BCAS1: variants seen among roughly 807,000 people sequenced by gnomAD.
The protein encoded by BCAS1 is breast carcinoma-amplified sequence 1.
A neutral mutation model predicts 65.4 loss-of-function variants in BCAS1; 46 were observed. The ratio of observed to expected loss-of-function variants is 0.70; its 90% CI spans 0.55 to 0.90. The LOEUF (loss-of-function observed/expected upper bound fraction) is 0.90. Ranked by LOEUF, BCAS1 falls within the 40% of genes least tolerant of loss-of-function variation. The pLI is 0.00. For synonymous variants in BCAS1, 298 were observed against 293.5 expected, an observed-to-expected ratio of 1.02 and a Z score of -0.16; for missense variants, 793 against 771.2, an observed-to-expected ratio of 1.03 and a Z score of -0.33.
intron 12 of BCAS1, among the ~76,000 whole-genome samples, chr20:53,950,679 G>A (rs2145483687): frequency 6.6e-6 from 1 of 152,302 alleles, no homozygotes; most frequent in East Asian, 1.9e-4. Flanking sequence ...AACCCCTGAT[G>A]TCAGGGACCC....
intron 10 of BCAS1, among the ~76,000 whole-genome samples, chr20:53,957,755 A>G (rs1463200387): frequency 6.6e-6 from 1 of 152,262 alleles, no homozygotes; most frequent in Non-Finnish European, 1.5e-5. Context: ...CAATTCTGAG[A>G]TAAATGATGA....
At chr20:53,954,553 G>A (rs1390936452) in intron 11 of BCAS1, among the ~76,000 whole-genome samples, 1 of 152,160 alleles carries the variant, frequency 6.6e-6, no homozygotes, top group East Asian at 1.9e-4. Flanking sequence ...AGAGATGATT[G>A]TTTTATTAGT....
intron 9 of BCAS1, among the ~76,000 whole-genome samples, chr20:53,970,292 T>C (rs1007306364): frequency 6.6e-6 from 1 of 152,146 alleles, no homozygotes. Flanking sequence ...GGTAAAAAAA[T>C]ATAGTACTTC....
chr20:53,984,712 T>C (rs6022893), intron 8 of BCAS1, among the ~76,000 whole-genome samples: 19,376 of 152,228 alleles, frequency 0.13, 2,624 homozygotes, highest in African/African-American at 0.34. Context: ...AGCCCCACTC[T>C]CCCTGTCCTT....
intron 4 of BCAS1, among the ~76,000 whole-genome samples, chr20:54,010,965 G>A (rs1220635217): frequency 6.6e-6 from 1 of 152,024 alleles, no homozygotes; most frequent in Non-Finnish European, 1.5e-5. Flanking sequence ...AGGTGTAAAA[G>A]CAATTCTACA....
intron 3 of BCAS1, among the ~76,000 whole-genome samples, chr20:54,040,555 T>C (rs1341548329): frequency 6.6e-6 from 1 of 151,268 alleles, no homozygotes; most frequent in East Asian, 1.9e-4. Context: ...GTGTTTTCTT[T>C]GGAGCAGATA....
intron 12 of BCAS1, among the ~76,000 whole-genome samples, chr20:53,947,650 C>A (rs1449821622): frequency 2.6e-5 from 4 of 152,180 alleles, no homozygotes; most frequent in Non-Finnish European, 4.4e-5. Context: ...GAGCCCAAGC[C>A]ACTTCAGTCA....
chr20:54,031,864 G>C (rs572089906), intron 3 of BCAS1, among the ~76,000 whole-genome samples: 1 of 151,050 alleles, frequency 6.6e-6, no homozygotes, highest in East Asian at 1.9e-4. Flanking sequence ...GATTGATTGG[G>C]GTGTCTGAAA....
intron 6 of BCAS1, 73 bp from the exon 7 acceptor site, chr20:53,992,719 A>G: frequency 3.0e-6 from 4 of 1,321,042 alleles, no homozygotes; most frequent in Non-Finnish European, 4.0e-6. Context: ...CTGTTGTTTT[A>G]AAGTGCATTA....
At chr20:54,004,656 TG>T (rs1309547691) in intron 4 of BCAS1, among the ~76,000 whole-genome samples, 1 of 152,172 alleles carries the variant, frequency 6.6e-6, no homozygotes, top group Non-Finnish European at 1.5e-5. Context: ...AGTAACTATG[TG>T]GGGGTAGTTA....
At chr20:54,052,017 G>A (rs759145687) in intron 3 of BCAS1, among the ~76,000 whole-genome samples, 3 of 152,098 alleles carry the variant, frequency 2.0e-5, no homozygotes, top group Non-Finnish European at 4.4e-5. Flanking sequence ...GGGATTACAC[G>A]CGTGAGCCAC....
intron 2 of BCAS1, 82 bp from the exon 3 acceptor site, chr20:54,058,236 G>A (rs2092327029): frequency 7.3e-6 from 9 of 1,234,756 alleles, no homozygotes; most frequent in Non-Finnish European, 1.2e-6. Context: ...TAAGATACAA[G>A]GGTGTCTCAC....
At chr20:54,035,400 C>CAAAAAAAAAAA (rs1288429763) in intron 3 of BCAS1, among the ~76,000 whole-genome samples, 2 of 62,048 alleles carry the variant, frequency 3.2e-5, no homozygotes, top group Non-Finnish European at 3.3e-5. Flanking sequence ...GACTCCGTCT[C>CAAAAAAAAAAA]AAAAAAAAAA....
At chr20:53,959,577 T>A (rs2089812602) in intron 10 of BCAS1, among the ~76,000 whole-genome samples, 1 of 152,156 alleles carries the variant, frequency 6.6e-6, no homozygotes, top group South Asian at 2.1e-4. Context: ...AAAAATTTTT[T>A]TGCAGAGACA....
intron 1 of BCAS1, among the ~76,000 whole-genome samples, chr20:54,064,170 A>T (rs1483269754): frequency 6.6e-6 from 1 of 152,184 alleles, no homozygotes. Flanking sequence ...GAGTTCTGAG[A>T]TCCCCATGCC....
Position 54,040,000 on chromosome 20 carries a change from T to C in BCAS1, c.143-11028A>G, listed in dbSNP as rs576939361. Among the ~76,000 whole-genome samples, 15 of 151,542 alleles carry C rather than the reference T, an allele frequency of 9.9e-5. No homozygotes were observed. The South Asian group carries it at 3.1e-3, about 32-fold the overall frequency. On this transcript the variant is annotated intron_variant, in intron 3 of 12. Coordinates refer to ENST00000688948, the MANE Select transcript of BCAS1 (RefSeq NM_001366298.2). ...TTCACAGTCAATAGCTCCAAAGCTA[T>C]CTTATCTTCTAAAATAGCTGCATAA...
intron 7 of BCAS1, 68 bp from the exon 8 acceptor site, chr20:53,985,567 T>C: frequency 7.1e-7 from 1 of 1,399,142 alleles, no homozygotes; most frequent in South Asian, 1.2e-5. Context: ...ATGGAAGATC[T>C]CTTTTTAATA....
chr20:53,955,268 A>C (rs2089664782), intron 11 of BCAS1, among the ~76,000 whole-genome samples: 1 of 152,242 alleles, frequency 6.6e-6, no homozygotes. Flanking sequence ...TGGAGAAAGA[A>C]GCAACAGGCA....
rs750179051 is a variant in BCAS1 at position 54,058,697 on chromosome 20, G to A, written c.22C>T (p.Pro8Ser). 1 of 1,611,600 alleles carries A rather than the reference G, an allele frequency of 6.2e-7. No homozygotes were observed. The highest frequency in any genetic ancestry group is 1.1e-5 in the South Asian group (1 of 91,016). The change falls in exon 2 of 13, where the codon CCC becomes TCC. Residue 8 changes from proline (P) to serine (S), a missense_variant. Physicochemically the swap from Pro to Ser is moderately conservative, Grantham distance 74 (BLOSUM62 -1). Transcript: ENST00000688948. ...TTCTCTTGGTCTTCAACTCTTTGGG[G>A]AACACTCATTTGGTTACCCATTGCT... Reference protein sequence around the residue: MGNQMSVPQRVEDQENEP... With the variant: MGNQMSVSQRVEDQENEP...
Sources: allele counts gnomAD v4.1 joint callset (sites outside exome capture counted in the v4.1 genomes callset), GRCh38; gene constraint gnomAD v4.1.1; transcripts MANE v1.5; gene names NCBI Gene and HGNC (gene_info 2026-07-23, HGNC 2026-07-21).